Variants in AHI1 observed in about 807,000 individuals in gnomAD.
The protein encoded by AHI1 is Abelson helper integration site 1, also known as jouberin.
A neutral mutation model predicts 149.3 loss-of-function variants in AHI1; 123 were observed. The ratio of observed to expected loss-of-function variants is 0.82; its 90% CI spans 0.71 to 0.96. AHI1 has a LOEUF of 0.96. AHI1 is among the 40% of genes least tolerant of loss of function. The probability of loss-of-function intolerance (pLI) is 0.00; values close to 1 mark genes in which losing one functional copy is unlikely to be tolerated. For synonymous variants in AHI1, 475 were observed against 459.8 expected, an observed-to-expected ratio of 1.03 and a Z score of -0.42; for missense variants, 1,439 against 1,422.7, an observed-to-expected ratio of 1.01 and a Z score of -0.18.
rs557238830 is a variant in AHI1 at position 135,349,633 on chromosome 6, T to C, written c.3165+8499A>G. Among the ~76,000 whole-genome samples the C allele has an allele frequency of 1.4e-3, 209 of 152,286 alleles. 1 individual carries two copies. Among genetic ancestry groups the C allele is most frequent in the African/African-American group, 4.6e-3 (192 of 41,566 alleles). On this transcript the variant is annotated intron_variant, in intron 24 of 28. Transcript: ENST00000265602. Reference sequence around the variant, plus strand: ...GTGGTGGGTGTTAACTGCCACATTATAACATAAGGAAGTGAATTCTAACTG... The same window carrying C: ...GTGGTGGGTGTTAACTGCCACATTACAACATAAGGAAGTGAATTCTAACTG...
At chr6:135,395,030 T>A in intron 22 of AHI1, 134 bp from the exon 23 acceptor site, 1 of 829,608 alleles carries the variant, frequency 1.2e-6, no homozygotes, top group Non-Finnish European at 1.8e-6. Context: ...ATGATGTACA[T>A]GGTTAGTTTG....
At chr6:135,310,932 A>G (rs538831156) in intron 26 of AHI1, among the ~76,000 whole-genome samples, 1 of 152,300 alleles carries the variant, frequency 6.6e-6, no homozygotes, top group South Asian at 2.1e-4. Context: ...TTAAAAAAAC[A>G]GATTTTAGGA....
intron 24 of AHI1, among the ~76,000 whole-genome samples, chr6:135,331,728 G>A (rs1301680028): frequency 3.3e-5 from 5 of 152,102 alleles, no homozygotes; most frequent in East Asian, 3.8e-4. Context: ...AAATTCACAC[G>A]CTTGAGCACT....
chr6:135,353,994 T>C (rs1792561995), intron 24 of AHI1, among the ~76,000 whole-genome samples: 1 of 152,146 alleles, frequency 6.6e-6, no homozygotes, highest in Non-Finnish European at 1.5e-5. Flanking sequence ...CTTTAAATTC[T>C]AATAATTAAA....
intron 22 of AHI1, among the ~76,000 whole-genome samples, chr6:135,404,659 A>G (rs1780500344): frequency 6.6e-6 from 1 of 152,254 alleles, no homozygotes; most frequent in Non-Finnish European, 1.5e-5. Flanking sequence ...TAAATATCAT[A>G]TAAAATTTTT....
At chr6:135,347,447 G>C (rs1791400683) in intron 24 of AHI1, among the ~76,000 whole-genome samples, 1 of 152,146 alleles carries the variant, frequency 6.6e-6, no homozygotes, top group African/African-American at 2.4e-5. Context: ...TCTGCTTTTA[G>C]AGAGTTAATA....
intron 20 of AHI1, among the ~76,000 whole-genome samples, chr6:135,417,605 GA>G (rs1782564977): frequency 6.6e-6 from 1 of 151,906 alleles, no homozygotes; most frequent in African/African-American, 2.4e-5. Context: ...AATGGAAGCG[GA>G]TAACACAAAT....
intron 24 of AHI1, among the ~76,000 whole-genome samples, chr6:135,342,923 GT>G (rs1790590412): frequency 6.6e-6 from 1 of 151,172 alleles, no homozygotes; most frequent in Non-Finnish European, 1.5e-5. Flanking sequence ...TGTACTGGAG[GT>G]TCTAACTGGA....
intron 26 of AHI1, 97 bp from the exon 27 acceptor site, chr6:135,300,655 G>C: frequency 6.5e-7 from 1 of 1,531,608 alleles, no homozygotes; most frequent in Non-Finnish European, 8.8e-7. Context: ...TTCCTGAATG[G>C]GGAGAGAATA....
At chr6:135,363,667 C>T (rs1328043095) in intron 23 of AHI1, among the ~76,000 whole-genome samples, 23 of 149,110 alleles carry the variant, frequency 1.5e-4, no homozygotes, top group African/African-American at 5.0e-4. Flanking sequence ...GGCGGCTGGC[C>T]GGGCGGGGGG....
At chr6:135,422,753 G>A (rs1482338247) in intron 20 of AHI1, among the ~76,000 whole-genome samples, 4 of 151,452 alleles carry the variant, frequency 2.6e-5, no homozygotes, top group Non-Finnish European at 5.9e-5. Context: ...GCCTCCCAAA[G>A]TGTTGAGATT....
At position 135,428,710 on chromosome 6, in the gene AHI1, G is replaced by C. The variant is rs551903779; in HGVS notation, c.2542C>G (p.His848Asp). ...GTCCCACATGGAGTCAAAGTACTAT[G>C]AATCTTCTCCCGATAATTTGCTGCT... is the stretch of plus-strand genomic sequence containing the variant. ...VGAANYREKIHSTLTPCGTFL... is the reference protein window; with the variant it reads ...VGAANYREKIDSTLTPCGTFL... The change falls in exon 19 of 29, where the codon CAT becomes GAT. Residue 848 changes from histidine (H) to aspartate (D), a missense_variant. Transcript: ENST00000265602. 5 of 1,608,010 alleles carry C rather than the reference G, an allele frequency of 3.1e-6. No individual in the cohort carries two copies. Among genetic ancestry groups the C allele is most frequent in the Non-Finnish European group, 4.3e-6 (5 of 1,176,442 alleles).
At chr6:135,408,810 C>T (rs992480733) in intron 21 of AHI1, among the ~76,000 whole-genome samples, 8 of 152,180 alleles carry the variant, frequency 5.3e-5, no homozygotes, top group Admixed American at 2.6e-4. Context: ...AGGACTTCCA[C>T]TTAATTCTAC....
In AHI1 at chr6:135,383,226, C is replaced by CTTTTT. The variant is rs764546253; in HGVS notation, c.3109+11545_3109+11549dup. Among the ~76,000 whole-genome samples, 21 of 76,866 alleles carry CTTTTT rather than the reference C, an allele frequency of 2.7e-4. 4 individuals are homozygous for CTTTTT. Among genetic ancestry groups the CTTTTT allele is most frequent in the African/African-American group, 6.0e-4 (9 of 15,038 alleles). The allele number at this position is 76,866 out of a possible 152,430, so 50.4% of individuals were successfully genotyped here. Reference sequence around the variant, plus strand: ...GATTGATTCCTTCCTTCCCCCCTCCCTTTTTTTTTTTTTTTTTTTTTGAGA... The same window carrying CTTTTT: ...GATTGATTCCTTCCTTCCCCCCTCCCTTTTTTTTTTTTTTTTTTTTTTTTTTGAGA... On this transcript the variant is annotated intron_variant, in intron 23 of 28. Transcript: ENST00000265602.
intron 8 of AHI1, among the ~76,000 whole-genome samples, chr6:135,462,786 A>G (rs941568013): frequency 2.0e-5 from 3 of 152,102 alleles, no homozygotes; most frequent in Admixed American, 6.5e-5. Flanking sequence ...CTGCAATCCC[A>G]GCTACTCAGG....
At chr6:135,394,369 G>A (rs1475718896) in intron 23 of AHI1, among the ~76,000 whole-genome samples, 2 of 152,030 alleles carry the variant, frequency 1.3e-5, no homozygotes, top group Non-Finnish European at 2.9e-5. Context: ...TTAATGGGAT[G>A]TGATATCACT....
chr6:135,369,419 G>A (rs755845636), intron 23 of AHI1, among the ~76,000 whole-genome samples: 1 of 152,182 alleles, frequency 6.6e-6, no homozygotes, highest in African/African-American at 2.4e-5. Context: ...AGTTAGTCCT[G>A]CCTCCTATCT....
chr6:135,329,105 T>A (rs1463665895), intron 24 of AHI1, among the ~76,000 whole-genome samples: 1 of 152,222 alleles, frequency 6.6e-6, no homozygotes, highest in Non-Finnish European at 1.5e-5. Context: ...AACATAAAAG[T>A]GCAAGGTGAA....
At chr6:135,342,104 G>T (rs1790462038) in intron 24 of AHI1, among the ~76,000 whole-genome samples, 1 of 151,780 alleles carries the variant, frequency 6.6e-6, no homozygotes, top group South Asian at 2.1e-4. Flanking sequence ...AATCAGGAAT[G>T]AAAGAAGAAG....
Sources: gnomAD v4.1 joint callset for allele counts (sites outside exome capture counted in the v4.1 genomes callset) on GRCh38, gnomAD v4.1.1 for gene constraint, MANE v1.5 for transcripts, NCBI Gene and HGNC (gene_info 2026-07-23, HGNC 2026-07-21) for gene names.